Variants in SPIN3 observed in about 807,000 individuals in gnomAD.
The protein encoded by SPIN3 is spindlin-3.
For synonymous variants in SPIN3, 74 were observed against 74.3 expected, an observed-to-expected ratio of 1.00 and a Z score of 0.02; for missense variants, 176 against 196.4, an observed-to-expected ratio of 0.90 and a Z score of 0.62.
chrX:56,984,508 A>G, intron 2 of SPIN3: 1 of 324,961 alleles, frequency 3.1e-6, no homozygotes, highest in South Asian at 2.7e-5. Context: ...AGTACAGTGG[A>G]GGAGCTGACA....
chrX:56,991,177 A>T lies in SPIN3; in HGVS notation c.*2994T>A, dbSNP rs1006477824. On this transcript the variant is annotated 3_prime_UTR_variant, in exon 2 of 2. Transcript: ENST00000374919. ...TTTATATATTAAAACTGTAAAAAAG[A>T]ATCAAAATAGATACCAGCTTTATAG... 2 of 112,402 alleles carry T rather than the reference A, an allele frequency of 1.8e-5. No individual in the cohort carries two copies. Among genetic ancestry groups the T allele is most frequent in the African/African-American group, 6.5e-5 (2 of 30,996 alleles). The allele number at this position is 112,402 out of a possible 1,213,427, so 9.3% of individuals were successfully genotyped here.
At chrX:56,986,504 T>C (rs1337818777), downstream of SPIN3, among the ~76,000 whole-genome samples, 1 of 111,997 alleles carries the variant, frequency 8.9e-6, no homozygotes, top group Non-Finnish European at 1.9e-5. Flanking sequence ...TTTATCTCCT[T>C]ATCTGAAAAA....
downstream of SPIN3, among the ~76,000 whole-genome samples, chrX:56,989,347 G>C (rs1390568518): frequency 9.0e-6 from 1 of 111,181 alleles, no homozygotes. Context: ...CTTTGAAAGA[G>C]GATGTGTAGG....
chrX:56,983,608 G>A (rs767421919), intron 3 of SPIN3, among the ~76,000 whole-genome samples: 2 of 112,761 alleles, frequency 1.8e-5, no homozygotes, highest in South Asian at 7.2e-4. Context: ...CAGTGTTTAA[G>A]CAAGGGAGGC....
chrX:56,990,673 C>T (rs1924311444), downstream of SPIN3, among the ~76,000 whole-genome samples: 1 of 111,681 alleles, frequency 9.0e-6, no homozygotes, highest in South Asian at 3.7e-4. Context: ...ATATATTTCA[C>T]ATTCTACTTT....
rs1450283472 is a variant in SPIN3, at chrX:56,991,128, A to G, written c.*3043T>C. On this transcript the variant is annotated 3_prime_UTR_variant, in exon 2 of 2. Coordinates refer to ENST00000374919, the MANE Select transcript of SPIN3 (RefSeq NM_001010862.3). ...ATACTGTTTGACTTTTACCATAGGC[A>G]TGTGTTATTTTTCTAAAAAACAATT... 2 of 112,061 alleles carry G rather than the reference A, an allele frequency of 1.8e-5. No individual in the cohort carries two copies. Among genetic ancestry groups the G allele is most frequent in the East Asian group, 5.6e-4 (2 of 3,567 alleles). The allele number at this position is 112,061 out of a possible 1,213,427, so 9.2% of individuals were successfully genotyped here.
chrX:56,995,125 A>G, intron 1 of SPIN3, 91 bp downstream of exon 1: 1 of 468,489 alleles, frequency 2.1e-6, no homozygotes, highest in Non-Finnish European at 3.5e-6. Flanking sequence ...GCCTGCAGTA[A>G]CCTTCCTCCC....
At position 56,994,599 on chromosome X, in the gene SPIN3, A is replaced by C; in HGVS notation, c.349T>G (p.Ser117Ala). The C allele has an allele frequency of 9.9e-6, 12 of 1,211,794 alleles. No homozygotes were observed. The highest frequency in any genetic ancestry group is 1.3e-5 in the Non-Finnish European group (12 of 895,503). The change falls in exon 2 of 2, where the codon TCT becomes GCT. Residue 117 changes from serine (S) to alanine (A), a missense_variant. Coordinates refer to ENST00000374919, the MANE Select transcript of SPIN3 (RefSeq NM_001010862.3). ...LEVLPNRVAS[S>A]RISDTHLAEI... ...GCCAAGTGTGTATCACTGATTCTAG[A>C]TGATGCAACTCTATTAGGAAGGACT... is the stretch of plus-strand genomic sequence containing the variant.
chrX:56,994,098 C>T lies in SPIN3; in HGVS notation c.*73G>A. 9.6e-7 allele frequency: 1 copy of T among 1,038,104 alleles called. No homozygotes were observed. Among genetic ancestry groups the T allele is most frequent in the South Asian group, 2.6e-5 (1 of 37,775 alleles). 85.6% of individuals were successfully genotyped at this position (1,038,104 alleles called of 1,213,427 possible). Reference sequence around the variant, plus strand: ...AAAGGGAGAAGATGGTTCTTACAAACTGGAAAGCAATCAAGACTTTCTGTG... The same window carrying T: ...AAAGGGAGAAGATGGTTCTTACAAATTGGAAAGCAATCAAGACTTTCTGTG... On this transcript the variant is annotated 3_prime_UTR_variant, in exon 2 of 2. Transcript: ENST00000374919.
chrX:56,980,273 A>G (rs761112162), intron 3 of SPIN3: 2 of 111,613 alleles, frequency 1.8e-5, no homozygotes, highest in East Asian at 5.6e-4. Context: ...AAAAAATCCC[A>G]AACTAACAAT....
chrX:56,994,813 AGGC>A lies in SPIN3; in HGVS notation c.132_134del (p.Gln44_Pro45delinsHis). 2.5e-6 allele frequency: 3 copies of A among 1,211,371 alleles called. No homozygotes were observed. Among genetic ancestry groups the A allele is most frequent in the Non-Finnish European group, 3.4e-6 (3 of 895,443 alleles). On this transcript the variant is annotated inframe_deletion, in exon 2 of 2. Coordinates refer to ENST00000374919, the MANE Select transcript of SPIN3 (RefSeq NM_001010862.3). ...TTCTGCAGCCCACGATGTTCCCCCG[AGGC>A]TGGGAGGTGGGTCGGCTCCTATGCT...
downstream of SPIN3, chrX:56,975,644 C>A (rs1273977346): frequency 1.8e-5 from 2 of 110,655 alleles, no homozygotes; most frequent in Non-Finnish European, 3.8e-5. Context: ...GTTGGGGGGG[C>A]CTTAGAATTT....
chrX:56,985,302 C>A (rs1184945073), intron 2 of SPIN3, among the ~76,000 whole-genome samples: 1 of 111,895 alleles, frequency 8.9e-6, no homozygotes, highest in East Asian at 2.8e-4. Flanking sequence ...GATGCAACAC[C>A]CAGGTTATGC....
chrX:56,990,858 A>T lies in SPIN3; in HGVS notation c.*3313T>A, dbSNP rs1447946824. ...GGGATTAAGATATCAGCTTTAATATATTGTTCAGTGAAAAAAGCAAAATTC... is the reference window on the plus strand; with the variant it reads ...GGGATTAAGATATCAGCTTTAATATTTTGTTCAGTGAAAAAAGCAAAATTC... On this transcript the variant is annotated 3_prime_UTR_variant, in exon 2 of 2. Transcript: ENST00000374919. The T allele has an allele frequency of 1.8e-5, 2 of 109,998 alleles. No homozygotes were observed. Among genetic ancestry groups the T allele is most frequent in the Admixed American group, 9.8e-5 (1 of 10,218 alleles). The allele number at this position is 109,998 out of a possible 1,213,427, so 9.1% of individuals were successfully genotyped here.
chrX:56,977,669 A>G (rs770758724), intron 5 of SPIN3: 1 of 112,350 alleles, frequency 8.9e-6, no homozygotes, highest in African/African-American at 3.2e-5. Context: ...TTAATCTCCA[A>G]TGTGGCAGTA....
chrX:56,994,702 C>G lies in SPIN3; in HGVS notation c.246G>C (p.Leu82=), dbSNP rs1214766596. Reference sequence around the variant, plus strand: ...CAAATCCATCATATTTGATAAGATACAGAGAGGGATTTACAGGTACCTGAT... The same window carrying G: ...CAAATCCATCATATTTGATAAGATAGAGAGAGGGATTTACAGGTACCTGAT... The part of the protein sequence containing the change: ...VLDQVPVNPS[L]YLIKYDGFDC... The change falls in exon 2 of 2, where the codon CTG becomes CTC. Residue 82 remains leucine (L), a synonymous_variant. Transcript: ENST00000374919. The G allele has an allele frequency of 8.3e-7, 1 of 1,210,087 alleles. No individual in the cohort carries two copies. The highest frequency in any genetic ancestry group is 1.1e-6 in the Non-Finnish European group (1 of 895,255).
rs1011355328 is a variant in SPIN3 at position 56,980,503 on chromosome X, T to A, written c.*205-1843A>T. 2.7e-5 allele frequency: 3 copies of A among 109,814 alleles called. No homozygotes were observed. The South Asian group carries it at 1.2e-3, about 43-fold the overall frequency. The allele number at this position is 109,814 out of a possible 1,213,427, so 9.0% of individuals were successfully genotyped here. ...AAAATAAACTAGTAGGAAGGACATA[T>A]CAACTACAGTTCAGCGACAAAGGAA... is the stretch of plus-strand genomic sequence containing the variant. On this transcript the variant is annotated intron_variant and NMD_transcript_variant, in intron 3 of 5. Transcript: ENST00000475785.
rs1390469241 is a variant in SPIN3 at position 56,993,740 on chromosome X, A to AT, written c.*430dup. The AT allele has an allele frequency of 4.3e-5, 5 of 115,522 alleles. No homozygotes were observed. Among genetic ancestry groups the AT allele is most frequent in the Non-Finnish European group, 8.9e-5 (5 of 56,091 alleles). 9.5% of individuals were successfully genotyped at this position (115,522 alleles called of 1,213,427 possible). A position where few individuals can be genotyped will look rare whatever the true frequency, so the allele number is the denominator to read the frequency against. On this transcript the variant is annotated 3_prime_UTR_variant, in exon 2 of 2. Coordinates refer to ENST00000374919, the MANE Select transcript of SPIN3 (RefSeq NM_001010862.3). Reference sequence around the variant, plus strand: ...GGCTTCCCACTCTTTCCCAAGTTAGATTTTTGAAGCCACTTGGGGGAGATT... The same window carrying AT: ...GGCTTCCCACTCTTTCCCAAGTTAGATTTTTTGAAGCCACTTGGGGGAGATT...
chrX:56,993,345 A>G lies in SPIN3; in HGVS notation c.*826T>C, dbSNP rs1051991170. On this transcript the variant is annotated 3_prime_UTR_variant, in exon 2 of 2. Transcript: ENST00000374919. ...GGCTTAATGCTCCTCTGGGCTGGCAAAGACCATTTGTGCTAAAGTCTGCCT... is the reference window on the plus strand; with the variant it reads ...GGCTTAATGCTCCTCTGGGCTGGCAGAGACCATTTGTGCTAAAGTCTGCCT... 1 of 111,801 alleles carries G rather than the reference A, an allele frequency of 8.9e-6. No individual in the cohort carries two copies. The highest frequency in any genetic ancestry group is 1.9e-5 in the Non-Finnish European group (1 of 53,192). The allele number at this position is 111,801 out of a possible 1,213,427, so 9.2% of individuals were successfully genotyped here.
Sources: gnomAD v4.1 joint callset for allele counts (sites outside exome capture counted in the v4.1 genomes callset) on GRCh38, gnomAD v4.1.1 for gene constraint, MANE v1.5 for transcripts, NCBI Gene and HGNC (gene_info 2026-07-23, HGNC 2026-07-21) for gene names.